The following ANO6 variants were observed in gnomAD, a reference collection of about 807,000 sequenced individuals.
ANO6 encodes anoctamin 6.
A neutral mutation model predicts 117.5 loss-of-function variants in ANO6; 106 were observed. That is an observed-to-expected ratio of 0.90 (90% confidence interval 0.77 to 1.06). The LOEUF (loss-of-function observed/expected upper bound fraction) is 1.06, where lower values mean the gene tolerates loss of function less well. Among genes scored for constraint, ANO6 ranks in the 50% least tolerant of loss-of-function variants. The pLI is 0.00. For synonymous variants in ANO6, 367 were observed against 385.1 expected (o/e 0.95, Z 0.55); for missense variants, 955 against 1,121.1 (o/e 0.85, Z 2.12).
rs886366316 is a variant in ANO6 at position 45,265,917 on chromosome 12, G to T, written c.71-36097G>T. Among the ~76,000 whole-genome samples, 48 of 152,278 alleles carry T rather than the reference G, an allele frequency of 3.2e-4. 1 individual carries two copies. The highest frequency in any genetic ancestry group is 6.5e-4 in the Admixed American group (10 of 15,298). Reference sequence around the variant, plus strand: ...CTGGCAGATGCCTACTATTTGCCAGGCACTGTTAGGATCTTAGGGACACAG... The same window carrying T: ...CTGGCAGATGCCTACTATTTGCCAGTCACTGTTAGGATCTTAGGGACACAG... On this transcript the variant is annotated intron_variant, in intron 1 of 19. Coordinates refer to ENST00000320560, the MANE Select transcript of ANO6 (RefSeq NM_001025356.3).
chr12:45,411,960 A>G (rs1943097984), intron 16 of ANO6, among the ~76,000 whole-genome samples: 2 of 152,164 alleles, frequency 1.3e-5, no homozygotes, highest in African/African-American at 4.8e-5. Context: ...AGCAACTTGA[A>G]CTTGGAGCTC....
intron 2 of ANO6, among the ~76,000 whole-genome samples, chr12:45,312,365 A>G (rs1367737858): frequency 6.6e-6 from 1 of 152,088 alleles, no homozygotes; most frequent in Non-Finnish European, 1.5e-5. Context: ...AAAATGTTGT[A>G]ATAAAAATTT....
At chr12:45,312,842 T>A (rs1449987014) in intron 2 of ANO6, among the ~76,000 whole-genome samples, 2 of 152,002 alleles carry the variant, frequency 1.3e-5, no homozygotes, top group Non-Finnish European at 2.9e-5. Flanking sequence ...ATAATATGGA[T>A]CTTTATGATG....
rs568823017 is a variant in ANO6, at chr12:45,402,005, A to G, written c.1597A>G (p.Met533Val). The change falls in exon 13 of 20, where the codon ATG (methionine) becomes GTG (valine). Residue 533 changes from methionine (M) to valine (V), a missense_variant. Physicochemically the swap from Met to Val is conservative, Grantham distance 21. Transcript: ENST00000320560. The stretch of plus-strand genomic sequence containing the variant: ...CACCATATATGAAAAAGTGGCAATT[A>G]TGATTACTAACTTCGGTAAGGTCCT... ...LNTIYEKVAI[M>V]ITNFELPRTQ... is the part of the protein sequence containing the mutation. 4 of 1,613,724 alleles carry G rather than the reference A, an allele frequency of 2.5e-6. No individual in the cohort carries two copies. The highest frequency in any genetic ancestry group is 3.3e-5 in the Admixed American group (2 of 60,030).
chr12:45,418,468 T>G (rs1334723383), intron 17 of ANO6, among the ~76,000 whole-genome samples: 1 of 152,156 alleles, frequency 6.6e-6, no homozygotes, highest in Non-Finnish European at 1.5e-5. Context: ...ACAATGAACA[T>G]GACAGCACGT....
chr12:45,330,435 C>T (rs1940625516), intron 2 of ANO6, among the ~76,000 whole-genome samples: 2 of 152,000 alleles, frequency 1.3e-5, no homozygotes, highest in Admixed American at 1.3e-4. Flanking sequence ...GAAAACTTTT[C>T]AGTATCACGT....
intron 1 of ANO6, among the ~76,000 whole-genome samples, chr12:45,230,923 C>T (rs997065816): frequency 2.6e-5 from 4 of 152,122 alleles, no homozygotes; most frequent in Non-Finnish European, 5.9e-5. Context: ...GCCTGGGCAA[C>T]TTGACGAAAC....
chr12:45,377,484 C>T (rs1198723480), intron 9 of ANO6, among the ~76,000 whole-genome samples: 1 of 152,104 alleles, frequency 6.6e-6, no homozygotes, highest in Non-Finnish European at 1.5e-5. Context: ...CCAATAGAAG[C>T]ATCTGTCAGT....
At chr12:45,371,783 A>G (rs948420723) in intron 9 of ANO6, among the ~76,000 whole-genome samples, 1 of 152,392 alleles carries the variant, frequency 6.6e-6, no homozygotes, top group African/African-American at 2.4e-5. Context: ...GAAAAACTGG[A>G]AACTCTAAAA....
At chr12:45,395,103 TAAA>T (rs1942573120) in intron 12 of ANO6, among the ~76,000 whole-genome samples, 2 of 151,664 alleles carry the variant, frequency 1.3e-5, no homozygotes, top group African/African-American at 2.4e-5. Flanking sequence ...GCAAGACTAA[TAAA>T]GAAGAAAAGA....
At chr12:45,240,153 A>G (rs1012057698) in intron 1 of ANO6, among the ~76,000 whole-genome samples, 2 of 151,908 alleles carry the variant, frequency 1.3e-5, no homozygotes, top group Non-Finnish European at 2.9e-5. Context: ...ATTGTGTGGG[A>G]GTCTAAGTCT....
intron 1 of ANO6, among the ~76,000 whole-genome samples, chr12:45,265,517 G>A (rs1230358663): frequency 1.3e-5 from 2 of 152,122 alleles, no homozygotes; most frequent in Admixed American, 1.3e-4. Context: ...CTCGTGTTAT[G>A]TACCTTACCA....
intron 2 of ANO6, among the ~76,000 whole-genome samples, chr12:45,304,056 C>T (rs145223422): frequency 7.9e-4 from 121 of 152,226 alleles, no homozygotes; most frequent in Non-Finnish European, 1.3e-3. Flanking sequence ...TCTTGTGCTT[C>T]GTAGATTTTC....
At chr12:45,292,999 G>A (rs1381482295) in intron 1 of ANO6, 1 of 1,540,790 alleles carries the variant, frequency 6.5e-7, no homozygotes, top group Non-Finnish European at 8.7e-7. Flanking sequence ...TGCCGGGGAG[G>A]CTCCTTTTTT....
At chr12:45,256,857 T>G (rs1047021042) in intron 1 of ANO6, 3 of 152,176 alleles carry the variant, frequency 2.0e-5, no homozygotes, top group African/African-American at 7.2e-5. Context: ...GCAGAAAACA[T>G]TTCTTTTCAC....
At chr12:45,287,667 C>G (rs1383951395) in intron 1 of ANO6, among the ~76,000 whole-genome samples, 1 of 152,032 alleles carries the variant, frequency 6.6e-6, no homozygotes, top group Non-Finnish European at 1.5e-5. Context: ...TAATTTTGGT[C>G]TGGTTAATTT....
chr12:45,381,690 A>G (rs1331926715), intron 10 of ANO6, among the ~76,000 whole-genome samples: 1 of 152,178 alleles, frequency 6.6e-6, no homozygotes, highest in African/African-American at 2.4e-5. Flanking sequence ...ACACCAGACT[A>G]TGTCTTGCTT....
chr12:45,242,264 A>G (rs561079164), intron 1 of ANO6, among the ~76,000 whole-genome samples: 317 of 152,170 alleles, frequency 2.1e-3, no homozygotes, highest in Non-Finnish European at 3.4e-3. Flanking sequence ...TTGTTTACCT[A>G]CTCAAGCCTC....
At chr12:45,387,691 A>C (rs896029906) in intron 10 of ANO6, among the ~76,000 whole-genome samples, 8 of 152,202 alleles carry the variant, frequency 5.3e-5, no homozygotes, top group Admixed American at 4.6e-4. Flanking sequence ...TTGATTTGCC[A>C]TATACAAAAG....
Sources: gnomAD v4.1 joint callset for allele counts (sites outside exome capture counted in the v4.1 genomes callset) on GRCh38, gnomAD v4.1.1 for gene constraint, MANE v1.5 for transcripts, NCBI Gene and HGNC (gene_info 2026-07-23, HGNC 2026-07-21) for gene names.